The following SOX6 variants were observed in gnomAD, a reference collection of about 807,000 sequenced individuals.
SOX6 encodes the protein transcription factor SOX-6.
A neutral mutation model predicts 97.8 loss-of-function variants in SOX6; 11 were observed. The ratio of observed to expected loss-of-function variants is 0.11; its 90% CI spans 0.07 to 0.19. SOX6 has a LOEUF of 0.19. SOX6 is among the 10% of genes least tolerant of loss of function. SOX6 has a pLI of 1.00. For missense variants in SOX6, 810 were observed against 1,039.5 expected, an observed-to-expected ratio of 0.78 and a Z score of 3.04; for synonymous variants, 360 against 371.4, an observed-to-expected ratio of 0.97 and a Z score of 0.35.
chr11:16,048,489 G>A (rs1444243619), intron 11 of SOX6, among the ~76,000 whole-genome samples: 1 of 152,142 alleles, frequency 6.6e-6, no homozygotes, highest in Non-Finnish European at 1.5e-5. Context: ...ACATGTGAGA[G>A]GACCTAGATT....
At chr11:16,339,797 C>T (rs1856572354) in intron 2 of SOX6, among the ~76,000 whole-genome samples, 1 of 151,942 alleles carries the variant, frequency 6.6e-6, no homozygotes, top group Admixed American at 6.6e-5. Flanking sequence ...ATTATCTTGC[C>T]AATACGCAAG....
At chr11:16,590,332 C>T (rs1848135740) in intron 4 of SOX6, among the ~76,000 whole-genome samples, 1 of 152,124 alleles carries the variant, frequency 6.6e-6, no homozygotes, top group African/African-American at 2.4e-5. Context: ...ACCATCTCAA[C>T]AACAAGTTCC....
At chr11:16,160,666 T>C (rs1850725029) in intron 6 of SOX6, among the ~76,000 whole-genome samples, 1 of 152,106 alleles carries the variant, frequency 6.6e-6, no homozygotes, top group Admixed American at 6.6e-5. Flanking sequence ...AAATTATGGA[T>C]TGAGGATAAA....
intron 2 of SOX6, among the ~76,000 whole-genome samples, chr11:16,721,749 G>T (rs899676646): frequency 1.3e-5 from 2 of 151,004 alleles, no homozygotes; most frequent in Non-Finnish European, 2.9e-5. Context: ...ATAGCCTGGA[G>T]AACTGTGAGT....
intron 3 of SOX6, among the ~76,000 whole-genome samples, chr11:16,308,648 C>A (rs1855509386): frequency 6.6e-6 from 1 of 152,050 alleles, no homozygotes; most frequent in Non-Finnish European, 1.5e-5. Context: ...TGTAATTTTG[C>A]ATTTGAAGTA....
chr11:16,272,304 AAGG>A, intron 3 of SOX6, among the ~76,000 whole-genome samples: 1 of 151,770 alleles, frequency 6.6e-6, no homozygotes, highest in African/African-American at 2.4e-5. Flanking sequence ...AAACCAAAAA[AAGG>A]GGGGAAGATG....
At chr11:16,503,551 T>C (rs922363508) in intron 4 of SOX6, among the ~76,000 whole-genome samples, 1 of 152,098 alleles carries the variant, frequency 6.6e-6, no homozygotes, top group Non-Finnish European at 1.5e-5. Flanking sequence ...AGGAAACTCA[T>C]GTCACCTGTG....
intron 1 of SOX6, among the ~76,000 whole-genome samples, chr11:16,411,110 G>A (rs1858802049): frequency 6.6e-6 from 1 of 152,064 alleles, no homozygotes; most frequent in Non-Finnish European, 1.5e-5. Flanking sequence ...GGTCTTGGTT[G>A]CAAATTTGGG....
chr11:16,631,599 G>T (rs573145537), intron 3 of SOX6, among the ~76,000 whole-genome samples: 2 of 152,094 alleles, frequency 1.3e-5, no homozygotes, highest in African/African-American at 4.8e-5. Flanking sequence ...GTGTTCTCTG[G>T]ATTTCTTGGA....
intron 3 of SOX6, among the ~76,000 whole-genome samples, chr11:16,262,733 G>C (rs1285992627): frequency 6.6e-6 from 1 of 152,012 alleles, no homozygotes; most frequent in Non-Finnish European, 1.5e-5. Context: ...AAATGCCCCT[G>C]TGACTCAACC....
At chr11:16,485,328 G>T (rs1035682174) in intron 4 of SOX6, among the ~76,000 whole-genome samples, 14 of 152,208 alleles carry the variant, frequency 9.2e-5, no homozygotes, top group Admixed American at 8.5e-4. Context: ...ATTCACACCT[G>T]TTATCCCACC....
chr11:16,256,492 T>C (rs900565307), intron 3 of SOX6, among the ~76,000 whole-genome samples: 3 of 151,806 alleles, frequency 2.0e-5, no homozygotes, highest in African/African-American at 7.2e-5. Context: ...TTTGACAAAA[T>C]TCAACGCCCA....
At chr11:16,262,455 T>C (rs920592737) in intron 3 of SOX6, among the ~76,000 whole-genome samples, 5 of 152,034 alleles carry the variant, frequency 3.3e-5, no homozygotes, top group African/African-American at 9.7e-5. Flanking sequence ...ACGAAAATAG[T>C]GAAGCCAGTC....
At chr11:16,538,107 A>G (rs1861338003) in intron 4 of SOX6, among the ~76,000 whole-genome samples, 1 of 152,214 alleles carries the variant, frequency 6.6e-6, no homozygotes, top group South Asian at 2.1e-4. Flanking sequence ...AGGGAAGCCC[A>G]TAAGACTAAC....
At chr11:16,046,864 G>C (rs1346909680) in intron 11 of SOX6, among the ~76,000 whole-genome samples, 163 bp from the exon 12 acceptor site, 1 of 152,136 alleles carries the variant, frequency 6.6e-6, no homozygotes, top group African/African-American at 2.4e-5. Context: ...CACAGAGCCA[G>C]GGCAACCAAG....
At chr11:16,738,138 G>A (rs1166238288) in intron 1 of SOX6, among the ~76,000 whole-genome samples, 1 of 152,124 alleles carries the variant, frequency 6.6e-6, no homozygotes, top group East Asian at 1.9e-4. Context: ...TGGGAAAACA[G>A]CGAAATATTC....
chr11:16,511,680 C>T (rs1326659519), intron 4 of SOX6, among the ~76,000 whole-genome samples: 4 of 152,086 alleles, frequency 2.6e-5, no homozygotes, highest in African/African-American at 9.7e-5. Context: ...CTCAGTCAAA[C>T]TAATGACAAG....
intron 6 of SOX6, among the ~76,000 whole-genome samples, chr11:16,144,381 T>C (rs532334746): frequency 2.6e-5 from 4 of 152,298 alleles, no homozygotes; most frequent in Non-Finnish European, 4.4e-5. Flanking sequence ...TAGCACTAAA[T>C]GCCCACAAGA....
chr11:16,601,243 CCTAT>C (rs1317107490), intron 4 of SOX6, among the ~76,000 whole-genome samples: 1 of 152,112 alleles, frequency 6.6e-6, no homozygotes, highest in Admixed American at 6.5e-5. Flanking sequence ...GGTAATATGG[CCTAT>C]CTAACCTCAT....
Sources: gnomAD v4.1 joint callset for allele counts (sites outside exome capture counted in the v4.1 genomes callset) on GRCh38, gnomAD v4.1.1 for gene constraint, MANE v1.5 for transcripts, NCBI Gene and HGNC (gene_info 2026-07-23, HGNC 2026-07-21) for gene names.